CACNA2D1: variants seen among roughly 807,000 people sequenced by gnomAD.
CACNA2D1 encodes voltage-dependent calcium channel subunit alpha-2/delta-1.
In CACNA2D1, 53 loss-of-function variants were observed where a neutral mutation model predicts 171.5. That is an observed-to-expected ratio of 0.31 (90% CI 0.25 to 0.39). The LOEUF is 0.39. Ranked by LOEUF, CACNA2D1 falls within the 10% of genes least tolerant of loss-of-function variation. CACNA2D1 has a pLI of 1.00. For missense variants in CACNA2D1, 903 were observed against 1,299.8 expected, an observed-to-expected ratio of 0.69 and a Z score of 4.69; for synonymous variants, 442 against 443.1, an observed-to-expected ratio of 1.00 and a Z score of 0.03.
intron 4 of CACNA2D1, among the ~76,000 whole-genome samples, chr7:82,150,324 T>TCC (rs535840924): frequency 1.4e-5 from 2 of 143,314 alleles, no homozygotes; most frequent in African/African-American, 2.6e-5. Context: ...TACTTTTTTT[T>TCC]TCCCCCCAGT....
chr7:81,980,000 T>C (rs1236923950), intron 24 of CACNA2D1, among the ~76,000 whole-genome samples: 1 of 151,654 alleles, frequency 6.6e-6, no homozygotes, highest in African/African-American at 2.4e-5. Flanking sequence ...GAGAATTCTA[T>C]GAAGCAGTCA....
Position 82,373,920 on chromosome 7 carries a change from T to C in CACNA2D1, c.96-24271A>G, listed in dbSNP as rs1196790428. On this transcript the variant is annotated intron_variant, in intron 1 of 38. Coordinates refer to ENST00000356860, the MANE Select transcript of CACNA2D1 (RefSeq NM_000722.4). ...ACAAGTGTACGAAAAAAGTAAATCATAGTTTCAAACAATACAATCAGGGCA... is the reference window on the plus strand; with the variant it reads ...ACAAGTGTACGAAAAAAGTAAATCACAGTTTCAAACAATACAATCAGGGCA... Among the ~76,000 whole-genome samples, 11 of 152,320 alleles carry C rather than the reference T, an allele frequency of 7.2e-5. No individual in the cohort carries two copies. In the East Asian group the frequency reaches 1.7e-3, roughly 24 times the overall value.
intron 2 of CACNA2D1, among the ~76,000 whole-genome samples, chr7:82,341,215 T>C (rs1215277171): frequency 6.6e-6 from 1 of 152,222 alleles, no homozygotes; most frequent in Non-Finnish European, 1.5e-5. Context: ...GGATCAAAGT[T>C]CCCTTAACTA....
At chr7:82,434,975 C>T (rs1020142746) in intron 1 of CACNA2D1, among the ~76,000 whole-genome samples, 4 of 149,922 alleles carry the variant, frequency 2.7e-5, no homozygotes, top group Non-Finnish European at 4.4e-5. Flanking sequence ...AAAAATCCTT[C>T]TTCTGCCTTC....
At chr7:82,016,262 C>T (rs1800431118) in intron 12 of CACNA2D1, among the ~76,000 whole-genome samples, 1 of 151,934 alleles carries the variant, frequency 6.6e-6, no homozygotes, top group Admixed American at 6.6e-5. Context: ...ATTTAAATGC[C>T]ATACCCTAAA....
intron 1 of CACNA2D1, among the ~76,000 whole-genome samples, chr7:82,349,908 G>A (rs1441789962): frequency 6.6e-6 from 1 of 152,172 alleles, no homozygotes; most frequent in African/African-American, 2.4e-5. Context: ...TGTCCAAGGA[G>A]AGTAAACAAT....
chr7:82,187,916 G>A (rs1180238117), intron 3 of CACNA2D1, among the ~76,000 whole-genome samples: 1 of 152,186 alleles, frequency 6.6e-6, no homozygotes, highest in Non-Finnish European at 1.5e-5. Context: ...ACATATGTAT[G>A]ATAGTAAGAT....
chr7:82,194,517 TATCTTCACTTTTTTTAATGAA>T (rs1400418641), intron 3 of CACNA2D1, among the ~76,000 whole-genome samples: 1 of 151,964 alleles, frequency 6.6e-6, no homozygotes, highest in Non-Finnish European at 1.5e-5. Flanking sequence ...CTTTTCTTTA[TATCTTCACTTTTTTTAATGAA>T]TAATAGCTAT....
intron 3 of CACNA2D1, among the ~76,000 whole-genome samples, chr7:82,277,214 T>C (rs992983716): frequency 2.0e-5 from 3 of 152,088 alleles, no homozygotes; most frequent in South Asian, 4.1e-4. Flanking sequence ...GCCTTTTCTT[T>C]TGGAGGGGGA....
At chr7:82,196,577 T>C (rs1798875061) in intron 3 of CACNA2D1, among the ~76,000 whole-genome samples, 1 of 152,048 alleles carries the variant, frequency 6.6e-6, no homozygotes, top group Non-Finnish European at 1.5e-5. Flanking sequence ...GTTGTTTTAG[T>C]TGGTCTGTTT....
At position 82,102,785 on chromosome 7, in the gene CACNA2D1, T is replaced by G. The variant is rs543021687; in HGVS notation, c.526+14259A>C. ...CTTCCACCTATAACCAATGGAAAAATGTCAACCACATATTACCACCCTGCT... is the reference window on the plus strand; with the variant it reads ...CTTCCACCTATAACCAATGGAAAAAGGTCAACCACATATTACCACCCTGCT... On this transcript the variant is annotated intron_variant, in intron 6 of 38. Coordinates refer to ENST00000356860, the MANE Select transcript of CACNA2D1 (RefSeq NM_000722.4). Among the ~76,000 whole-genome samples, 3 of 152,128 alleles carry G rather than the reference T, an allele frequency of 2.0e-5. No individual in the cohort carries two copies. The East Asian group carries it at 5.8e-4, about 29-fold the overall frequency.
At chr7:82,228,751 G>T (rs964461860) in intron 3 of CACNA2D1, among the ~76,000 whole-genome samples, 1 of 151,990 alleles carries the variant, frequency 6.6e-6, no homozygotes, top group African/African-American at 2.4e-5. Flanking sequence ...CACTGCAAAC[G>T]TTTTATTATT....
In CACNA2D1 at chr7:81,991,172, TAC is replaced by T. The variant is rs1044199485; in HGVS notation, c.1796+11_1796+12del. 3 of 1,270,536 alleles carry T rather than the reference TAC, an allele frequency of 2.4e-6. No individual in the cohort carries two copies. Among genetic ancestry groups the T allele is most frequent in the East Asian group, 2.3e-5 (1 of 43,134 alleles). 78.7% of individuals were successfully genotyped at this position (1,270,536 alleles called of 1,614,324 possible). A position where few individuals can be genotyped will look rare whatever the true frequency, so the allele number is the denominator to read the frequency against. ...ATTGGAATACACAATACACATAAAATACAGTTAATTACCTGTAATCTGTGCCA... is the reference window on the plus strand; with the variant it reads ...ATTGGAATACACAATACACATAAAATAGTTAATTACCTGTAATCTGTGCCA... On this transcript the variant is annotated intron_variant, in intron 21 of 38. Coordinates refer to ENST00000356860, the MANE Select transcript of CACNA2D1 (RefSeq NM_000722.4).
intron 24 of CACNA2D1, among the ~76,000 whole-genome samples, chr7:81,977,205 ATTATT>A (rs1161555739): frequency 6.6e-6 from 1 of 152,094 alleles, no homozygotes; most frequent in East Asian, 1.9e-4. Flanking sequence ...AATATCTCTT[ATTATT>A]TTGAGATACG....
In CACNA2D1 at chr7:82,414,748, C is replaced by G. The variant is rs117915370; in HGVS notation, c.95+28617G>C. 1.2e-4 allele frequency among the ~76,000 whole-genome samples: 19 copies of G among 152,292 alleles called. No individual in the cohort carries two copies. In the East Asian group the frequency reaches 3.5e-3, roughly 28 times the overall value. On this transcript the variant is annotated intron_variant, in intron 1 of 38. Transcript: ENST00000356860. The stretch of plus-strand genomic sequence containing the variant: ...TCAAGAAGTTGAACTTAACACTCAA[C>G]AGCCAGCACTAACAGCTCAAAGTGA...
rs190675827 is a variant in CACNA2D1 at position 82,128,073 on chromosome 7, C to T, written c.396+8562G>A. 2.0e-5 allele frequency among the ~76,000 whole-genome samples: 3 copies of T among 151,492 alleles called. No individual in the cohort carries two copies. In the East Asian group the frequency reaches 5.8e-4, roughly 30 times the overall value. On this transcript the variant is annotated intron_variant, in intron 5 of 38. Transcript: ENST00000356860. ...CAAGTAGCTGGGACTACAGGTGCACCCCACCATGCCCAGCTAATTTTAGTT... is the reference window on the plus strand; with the variant it reads ...CAAGTAGCTGGGACTACAGGTGCACTCCACCATGCCCAGCTAATTTTAGTT...
chr7:82,075,160 A>G (rs1808808022), intron 7 of CACNA2D1, among the ~76,000 whole-genome samples: 1 of 152,068 alleles, frequency 6.6e-6, no homozygotes, highest in African/African-American at 2.4e-5. Flanking sequence ...CTTATAAACA[A>G]TAGGCAGAAA....
chr7:82,325,670 T>C (rs1347236187), intron 3 of CACNA2D1, among the ~76,000 whole-genome samples: 3 of 152,192 alleles, frequency 2.0e-5, no homozygotes, highest in Non-Finnish European at 2.9e-5. Context: ...GTGAAGTCAT[T>C]TAATCTTTCT....
chr7:82,276,187 TTTTA>T (rs767664919), intron 3 of CACNA2D1, among the ~76,000 whole-genome samples: 2 of 152,188 alleles, frequency 1.3e-5, no homozygotes, highest in East Asian at 1.9e-4. Flanking sequence ...CTTGTCACAG[TTTTA>T]TTTATTTGTT....
Sources: allele counts gnomAD v4.1 joint callset (sites outside exome capture counted in the v4.1 genomes callset), GRCh38; gene constraint gnomAD v4.1.1; transcripts MANE v1.5; gene names NCBI Gene and HGNC (gene_info 2026-07-23, HGNC 2026-07-21).